LRRCC1: variants seen among roughly 807,000 people sequenced by gnomAD.
The protein encoded by LRRCC1 is leucine-rich repeat and coiled-coil domain-containing protein 1.
Under a neutral mutation model 126.0 loss-of-function variants are expected in LRRCC1, and 115 were observed. That is an observed-to-expected ratio of 0.91 (90% confidence interval 0.78 to 1.07). The LOEUF (loss-of-function observed/expected upper bound fraction) is 1.07. Among genes scored for constraint, LRRCC1 ranks in the 50% least tolerant of loss-of-function variants. The pLI is 0.00. For missense variants in LRRCC1, 1,172 were observed against 1,175.7 expected (o/e 1.00, Z 0.05); for synonymous variants, 400 against 393.4 (o/e 1.02, Z -0.20).
At chr8:85,131,445 C>A (rs1810459383) in intron 11 of LRRCC1, among the ~76,000 whole-genome samples, 1 of 152,112 alleles carries the variant, frequency 6.6e-6, no homozygotes. Flanking sequence ...AAAGACTCGG[C>A]CAAAGTAGTA....
chr8:85,107,396 A>T lies in LRRCC1; in HGVS notation c.101A>T (p.Gln34Leu), dbSNP rs753623083. The T allele has an allele frequency of 6.2e-7, 1 of 1,611,812 alleles. No homozygotes were observed. The highest frequency in any genetic ancestry group is 1.3e-5 in the African/African-American group (1 of 75,022). ...GDVCFMDKGLQSISELSLDST... is the reference protein window; with the variant it reads ...GDVCFMDKGLLSISELSLDST... ...GTATGCTTCATGGACAAAGGCTTGC[A>T]GAGGTAAAGGGCGCTCCGCAGCCAG... The change falls in exon 1 of 19, where the codon CAG becomes CTG. Residue 34 changes from glutamine to leucine, a missense_variant. Coordinates refer to ENST00000360375, the MANE Select transcript of LRRCC1 (RefSeq NM_033402.5).
chr8:85,140,920 T>G (rs1811204825), intron 17 of LRRCC1, among the ~76,000 whole-genome samples: 1 of 151,922 alleles, frequency 6.6e-6, no homozygotes, highest in Non-Finnish European at 1.5e-5. Context: ...GAAAATTAGC[T>G]GGGCCATGGT....
rs2135960347 is a variant in LRRCC1, at chr8:85,126,708, A to G, written c.1292A>G (p.Asp431Gly). Residue 431 changes from aspartate (D) to glycine (G), a missense_variant, in exon 9 of 19, where the codon GAC (aspartate) becomes GGC (glycine). Physicochemically the swap from Asp to Gly is moderately conservative, Grantham distance 94 (BLOSUM62 -1). Coordinates refer to ENST00000360375, the MANE Select transcript of LRRCC1 (RefSeq NM_033402.5). ...NTYQSLVEQL[D>G]QEREKRWRAE... ...TTTCAGTCCCTTGTTGAACAGCTAGACCAAGAGAGAGAGAAGAGATGGAGA... is the reference window on the plus strand; with the variant it reads ...TTTCAGTCCCTTGTTGAACAGCTAGGCCAAGAGAGAGAGAAGAGATGGAGA... The G allele has an allele frequency of 6.2e-7, 1 of 1,612,636 alleles. No homozygotes were observed. The highest frequency in any genetic ancestry group is 2.2e-5 in the East Asian group (1 of 44,872).
intron 18 of LRRCC1, among the ~76,000 whole-genome samples, chr8:85,142,389 C>G (rs1321446291): frequency 6.6e-6 from 1 of 152,120 alleles, no homozygotes; most frequent in Admixed American, 6.5e-5. Flanking sequence ...ACAGGTGATT[C>G]TTATGTGACC....
rs1382017217 is a variant in LRRCC1 at position 85,110,096 on chromosome 8, T to C, written c.311-19T>C. 9.5e-7 allele frequency: 1 copy of C among 1,047,662 alleles called. No homozygotes were observed. Among genetic ancestry groups the C allele is most frequent in the Non-Finnish European group, 1.4e-6 (1 of 712,756 alleles). The allele number at this position is 1,047,662 out of a possible 1,614,324, so 64.9% of individuals were successfully genotyped here. A position where few individuals can be genotyped will look rare whatever the true frequency, so the allele number is the denominator to read the frequency against. On this transcript the variant is annotated intron_variant, in intron 2 of 18. Coordinates refer to ENST00000360375, the MANE Select transcript of LRRCC1 (RefSeq NM_033402.5). ...TAAATTTTATAAAGGCTTTATTTTATTTTACTTTTTTTTTTTAGGACTTGA... is the reference window on the plus strand; with the variant it reads ...TAAATTTTATAAAGGCTTTATTTTACTTTACTTTTTTTTTTTAGGACTTGA...
chr8:85,122,223 G>C (rs985460839), intron 6 of LRRCC1, among the ~76,000 whole-genome samples: 5 of 152,134 alleles, frequency 3.3e-5, no homozygotes, highest in African/African-American at 1.2e-4. Flanking sequence ...TGACTGCATT[G>C]TGCCTAAGGA....
chr8:85,108,640 C>T (rs1461874692), intron 1 of LRRCC1: 6 of 152,188 alleles, frequency 3.9e-5, no homozygotes, highest in African/African-American at 1.2e-4. Flanking sequence ...GTAAATGACA[C>T]AGCAGGATAA....
rs1809013455 is a variant in LRRCC1, at chr8:85,115,180, T to C, written c.625T>C (p.Leu209=). 6.2e-7 allele frequency: 1 copy of C among 1,612,850 alleles called. No homozygotes were observed. The highest frequency in any genetic ancestry group is 1.3e-5 in the African/African-American group (1 of 74,832). ...CKNIFGEPVN[L]TEINSSQLQC... ...GAACATATTTGGTGAACCAGTAAAT[T>C]TGACAGAAATAAATTCATCACAGCT... The change falls in exon 5 of 19, where the codon TTG becomes CTG. Residue 209 remains leucine (L), a synonymous_variant. Coordinates refer to ENST00000360375, the MANE Select transcript of LRRCC1 (RefSeq NM_033402.5).
intron 1 of LRRCC1, 116 bp downstream of exon 1, chr8:85,107,515 G>A (rs1215466711): frequency 1.1e-6 from 1 of 882,040 alleles, no homozygotes; most frequent in African/African-American, 1.7e-5. Flanking sequence ...GACCATAAGT[G>A]AACGCAGTCT....
intron 9 of LRRCC1, among the ~76,000 whole-genome samples, chr8:85,128,509 G>A (rs1409164860): frequency 2.2e-5 from 3 of 136,892 alleles, no homozygotes; most frequent in Non-Finnish European, 4.5e-5. Flanking sequence ...TAGGGACTCT[G>A]TATCCCTAAT....
At chr8:85,119,987 AG>A (rs1563936778) in intron 6 of LRRCC1, among the ~76,000 whole-genome samples, 1 of 152,234 alleles carries the variant, frequency 6.6e-6, no homozygotes, top group Admixed American at 6.5e-5. Context: ...CCTTGATCCA[AG>A]AAATATTTAG....
At chr8:85,137,009 T>C (rs1810922735) in intron 14 of LRRCC1, among the ~76,000 whole-genome samples, 1 of 152,092 alleles carries the variant, frequency 6.6e-6, no homozygotes, top group South Asian at 2.1e-4. Flanking sequence ...GTATTTTTAG[T>C]AGAGACAGGG....
Position 85,123,611 on chromosome 8 carries a change from T to C in LRRCC1, c.1124+5T>C, listed in dbSNP as rs75697866. On this transcript the variant is annotated splice_donor_5th_base_variant and intron_variant, in intron 7 of 18. Transcript: ENST00000360375. ...AAACTACAACTCTTTTGTAAGGTAC[T>C]TGTTTTAGTTTTAGAAATTTAAGGC... The C allele has an allele frequency of 6.3e-4, 977 of 1,558,490 alleles. 3 individuals carry two copies. In the African/African-American group the frequency reaches 0.012, roughly 19 times the overall value.
At chr8:85,108,560 C>G (rs1270757242) in intron 1 of LRRCC1, 2 of 152,158 alleles carry the variant, frequency 1.3e-5, no homozygotes, top group African/African-American at 4.8e-5. Context: ...TGAAATGTGT[C>G]AGAAAGTAAA....
At chr8:85,137,323 C>T (rs1309630580) in intron 14 of LRRCC1, 141 bp from the exon 15 acceptor site, 2 of 449,590 alleles carry the variant, frequency 4.4e-6, no homozygotes, top group Non-Finnish European at 7.2e-6. Context: ...CTTCCCCTTT[C>T]CTCTTCATAT....
intron 17 of LRRCC1, 67 bp downstream of exon 17, chr8:85,138,542 C>A: frequency 1.4e-6 from 2 of 1,450,064 alleles, no homozygotes; most frequent in Non-Finnish European, 1.9e-6. Flanking sequence ...GGGTGAAATA[C>A]GTATAAAGAG....
intron 18 of LRRCC1, among the ~76,000 whole-genome samples, chr8:85,142,552 A>G (rs1270125148): frequency 6.6e-6 from 1 of 152,086 alleles, no homozygotes; most frequent in Non-Finnish European, 1.5e-5. Flanking sequence ...TAGAAATTAT[A>G]TGGCTGGGCA....
rs754196030 is a variant in LRRCC1, at chr8:85,130,039, T to C, written c.1747T>C (p.Leu583=). Reference sequence around the variant, plus strand: ...GCAACAACTTCATCAACTTCTTGCATTGAAAGAACAGGAACACAGGTAAAT... The same window carrying C: ...GCAACAACTTCATCAACTTCTTGCACTGAAAGAACAGGAACACAGGTAAAT... ...QAQQLHQLLA[L]KEQEHRKELE... Residue 583 remains leucine (L), a synonymous_variant, in exon 11 of 19, where the codon TTG becomes CTG. Transcript: ENST00000360375. The C allele has an allele frequency of 1.9e-5, 31 of 1,592,942 alleles. No individual in the cohort carries two copies. The highest frequency in any genetic ancestry group is 2.3e-5 in the East Asian group (1 of 43,350).
intron 1 of LRRCC1, among the ~76,000 whole-genome samples, chr8:85,108,393 AT>A (rs1305135110): frequency 6.6e-6 from 1 of 152,172 alleles, no homozygotes; most frequent in Admixed American, 6.5e-5. Flanking sequence ...AATTTTTCTC[AT>A]TTACAAGTGA....
Sources: gnomAD v4.1 joint callset for allele counts (sites outside exome capture counted in the v4.1 genomes callset) on GRCh38, gnomAD v4.1.1 for gene constraint, MANE v1.5 for transcripts, NCBI Gene and HGNC (gene_info 2026-07-23, HGNC 2026-07-21) for gene names.